CLPB: variants seen among roughly 807,000 people sequenced by gnomAD.
CLPB encodes mitochondrial disaggregase.
In CLPB, 40 loss-of-function variants were observed where a neutral mutation model predicts 78.4. The ratio of observed to expected loss-of-function variants is 0.51; its 90% CI spans 0.40 to 0.66. The LOEUF (loss-of-function observed/expected upper bound fraction) is 0.66, where lower values mean the gene tolerates loss of function less well. CLPB is among the 30% of genes least tolerant of loss of function. The pLI is 0.00. For missense variants in CLPB, 780 were observed against 886.9 expected, an observed-to-expected ratio of 0.88 and a Z score of 1.53; for synonymous variants, 333 against 348.0, an observed-to-expected ratio of 0.96 and a Z score of 0.48.
chr11:72,398,197 T>A (rs1480002304), intron 3 of CLPB, among the ~76,000 whole-genome samples: 2 of 152,154 alleles, frequency 1.3e-5, no homozygotes, highest in East Asian at 1.9e-4. Flanking sequence ...GAGCAAATAG[T>A]GGGGCCTGTG....
Position 72,286,887 on chromosome 11 carries a change from A to G in CLPB, c.*6480T>C, listed in dbSNP as rs1411916308. The G allele has an allele frequency of 3.9e-5, 6 of 152,264 alleles. No individual in the cohort carries two copies. The highest frequency in any genetic ancestry group is 2.0e-4 in the Admixed American group (3 of 15,284). 9.4% of individuals were successfully genotyped at this position (152,264 alleles called of 1,614,324 possible). ...AGAGGTTTACCTTTAACCTCTAAAT[A>G]CTTACATTTTCTGAAAACAAGGACG... On this transcript the variant is annotated 3_prime_UTR_variant, in exon 16 of 16. Transcript: ENST00000538039.
chr11:72,301,024 A>G (rs1337275323), intron 11 of CLPB, among the ~76,000 whole-genome samples: 1 of 152,188 alleles, frequency 6.6e-6, no homozygotes, highest in Non-Finnish European at 1.5e-5. Flanking sequence ...GGCCTTAGGC[A>G]TGTCTTTTAT....
At chr11:72,396,431 A>T (rs1306014125) in intron 3 of CLPB, among the ~76,000 whole-genome samples, 1 of 152,152 alleles carries the variant, frequency 6.6e-6, no homozygotes, top group African/African-American at 2.4e-5. Context: ...AAATCTCCCC[A>T]CACCAGCCTC....
intron 3 of CLPB, among the ~76,000 whole-genome samples, chr11:72,401,244 TC>T (rs1855551915): frequency 6.6e-6 from 1 of 151,950 alleles, no homozygotes; most frequent in African/African-American, 2.4e-5. Context: ...TCGATACCAT[TC>T]TGGCCAACAT....
intron 3 of CLPB, among the ~76,000 whole-genome samples, chr11:72,398,636 T>C (rs940278733): frequency 9.9e-5 from 15 of 152,230 alleles, no homozygotes; most frequent in Non-Finnish European, 1.3e-4. Flanking sequence ...TAAGTCACAG[T>C]GATCATTCTG....
At chr11:72,386,714 T>C (rs1386842212) in intron 3 of CLPB, among the ~76,000 whole-genome samples, 3 of 152,198 alleles carry the variant, frequency 2.0e-5, no homozygotes, top group South Asian at 2.1e-4. Flanking sequence ...TCACCTTACC[T>C]AAAATAACTT....
chr11:72,413,337 C>T (rs1443948384), intron 2 of CLPB, among the ~76,000 whole-genome samples: 1 of 151,866 alleles, frequency 6.6e-6, no homozygotes, highest in Non-Finnish European at 1.5e-5. Flanking sequence ...ATAGCCTTCA[C>T]TCATATCCTG....
chr11:72,363,431 C>T (rs1950879708), intron 4 of CLPB: 1 of 152,328 alleles, frequency 6.6e-6, no homozygotes. Flanking sequence ...ACTGGCCACT[C>T]CCAGAAGCCG....
At chr11:72,401,152 T>C (rs953086205) in intron 3 of CLPB, among the ~76,000 whole-genome samples, 4 of 152,188 alleles carry the variant, frequency 2.6e-5, no homozygotes, top group African/African-American at 7.2e-5. Context: ...TTTTAAAGAA[T>C]AGGTGCGCCA....
In CLPB at chr11:72,430,383, T is replaced by G. The variant is rs1327689722; in HGVS notation, c.404-20A>C. ...CTGCATCTGAAGAGAAAGGGGGCAC[T>G]GGTCAGATCCGCGGCCAGGACATAC... On this transcript the variant is annotated intron_variant, in intron 1 of 15. Transcript: ENST00000538039. The G allele has an allele frequency of 6.2e-7, 1 of 1,611,778 alleles. No individual in the cohort carries two copies. The highest frequency in any genetic ancestry group is 2.2e-5 in the East Asian group (1 of 44,862).
At chr11:72,394,126 A>C (rs1046545572) in intron 3 of CLPB, among the ~76,000 whole-genome samples, 10 of 152,232 alleles carry the variant, frequency 6.6e-5, no homozygotes, top group African/African-American at 2.4e-4. Flanking sequence ...TTTTACTCAT[A>C]TAGATGTCAT....
chr11:72,385,722 C>CT, intron 3 of CLPB, among the ~76,000 whole-genome samples: 1 of 152,316 alleles, frequency 6.6e-6, no homozygotes, highest in Middle Eastern at 3.4e-3. Context: ...ACTTGGGAGG[C>CT]TGAGGCAGGA....
intron 11 of CLPB, 67 bp downstream of exon 11, chr11:72,301,736 T>C: frequency 2.6e-6 from 4 of 1,533,150 alleles, no homozygotes; most frequent in Non-Finnish European, 2.7e-6. Context: ...GCCCTTGCTT[T>C]CTGCTGTTCA....
chr11:72,408,211 T>A (rs1271124910), intron 2 of CLPB: 1 of 1,532,484 alleles, frequency 6.5e-7, no homozygotes. Flanking sequence ...GGGGCTGAGG[T>A]ATAATGGAAA....
rs1949402860 is a variant in CLPB at position 72,287,344 on chromosome 11, T to C, written c.*6023A>G. On this transcript the variant is annotated 3_prime_UTR_variant, in exon 16 of 16. Coordinates refer to ENST00000538039, the MANE Select transcript of CLPB (RefSeq NM_001258392.3). ...TTTTATTTTTGGGACATGGTCTCGC[T>C]CTGTCACCCAGGCTGGAGTGCAGCA... 6.6e-6 allele frequency: 1 copy of C among 152,234 alleles called. No individual in the cohort carries two copies. The highest frequency in any genetic ancestry group is 1.5e-5 in the Non-Finnish European group (1 of 68,050). The allele number at this position is 152,234 out of a possible 1,614,324, so 9.4% of individuals were successfully genotyped here.
chr11:72,326,207 A>G (rs923650942), intron 6 of CLPB, among the ~76,000 whole-genome samples: 10 of 152,176 alleles, frequency 6.6e-5, no homozygotes, highest in African/African-American at 2.2e-4. Context: ...TTAATTAAAA[A>G]TATTAATAGT....
Position 72,417,730 on chromosome 11 carries a change from C to G in CLPB, c.455+12582G>C, listed in dbSNP as rs572572739. Among the ~76,000 whole-genome samples the G allele has an allele frequency of 2.0e-5, 3 of 152,244 alleles. No individual in the cohort carries two copies. The South Asian group carries it at 6.2e-4, about 32-fold the overall frequency. On this transcript the variant is annotated intron_variant, in intron 2 of 15. Coordinates refer to ENST00000538039, the MANE Select transcript of CLPB (RefSeq NM_001258392.3). ...GGCTGGATGTTGACCATCAGAGAAG[C>G]TAAAGTGGGGACCTGAATACTGGAA...
At chr11:72,325,218 G>C (rs1412059520) in intron 6 of CLPB, among the ~76,000 whole-genome samples, 2 of 152,036 alleles carry the variant, frequency 1.3e-5, no homozygotes, top group East Asian at 3.8e-4. Context: ...CATGAAAATG[G>C]TCCTGGCTTT....
chr11:72,415,233 A>AG (rs1172538050), intron 2 of CLPB, among the ~76,000 whole-genome samples: 1 of 152,146 alleles, frequency 6.6e-6, no homozygotes, highest in African/African-American at 2.4e-5. Context: ...AGAAAAAGAA[A>AG]GATTACAAGG....
Sources: gnomAD v4.1 joint callset for allele counts (sites outside exome capture counted in the v4.1 genomes callset) on GRCh38, gnomAD v4.1.1 for gene constraint, MANE v1.5 for transcripts, NCBI Gene and HGNC (gene_info 2026-07-23, HGNC 2026-07-21) for gene names.